The following VPS37A variants were observed in gnomAD, a reference collection of about 807,000 sequenced individuals.
The protein encoded by VPS37A is VPS37A subunit of ESCRT-I.
A neutral mutation model predicts 49.8 loss-of-function variants in VPS37A; 30 were observed. The ratio of observed to expected loss-of-function variants is 0.60; its 90% CI spans 0.45 to 0.82. The LOEUF (loss-of-function observed/expected upper bound fraction) is 0.82, where lower values mean the gene tolerates loss of function less well. VPS37A is among the 40% of genes least tolerant of loss of function. VPS37A has a pLI of 0.00. For missense variants in VPS37A, 593 were observed against 464.4 expected, an observed-to-expected ratio of 1.28 and a Z score of -2.55; for synonymous variants, 195 against 160.6, an observed-to-expected ratio of 1.21 and a Z score of -1.62.
chr8:17,275,460 A>C (rs1049757525), intron 5 of VPS37A, among the ~76,000 whole-genome samples: 3 of 152,176 alleles, frequency 2.0e-5, no homozygotes, highest in African/African-American at 7.2e-5. Context: ...TTGAGGTAGA[A>C]ACTGGATGGC....
At chr8:17,304,672 T>C (rs548401591), downstream of VPS37A, among the ~76,000 whole-genome samples, 4 of 151,928 alleles carry the variant, frequency 2.6e-5, no homozygotes, top group Admixed American at 1.3e-4. Flanking sequence ...GGTGACTTCA[T>C]GGTATAGAGG....
intron 11 of VPS37A, among the ~76,000 whole-genome samples, chr8:17,288,550 T>G (rs934522791): frequency 7.9e-5 from 12 of 152,214 alleles, no homozygotes; most frequent in Non-Finnish European, 1.5e-5. Context: ...GGACATGAAC[T>G]CATTCTTTTT....
chr8:17,290,083 C>T (rs1374166793), intron 11 of VPS37A, among the ~76,000 whole-genome samples: 1 of 152,186 alleles, frequency 6.6e-6, no homozygotes, highest in Non-Finnish European at 1.5e-5. Flanking sequence ...TGCTTATCAG[C>T]TTAAGGAGCT....
the VPS37A span, among the ~76,000 whole-genome samples, chr8:17,310,239 A>G: frequency 6.6e-6 from 1 of 151,994 alleles, no homozygotes; most frequent in Admixed American, 6.6e-5. Flanking sequence ...GGGCTCCAGC[A>G]AGCCTCCCTC....
At chr8:17,286,282 TGG>T in intron 10 of VPS37A, 63 bp from the exon 11 acceptor site, 1 of 1,301,802 alleles carries the variant, frequency 7.7e-7, no homozygotes. Flanking sequence ...GTCATACTGT[TGG>T]AAGTAAAGTA....
chr8:17,323,183 G>T, the VPS37A span, among the ~76,000 whole-genome samples: 1 of 151,796 alleles, frequency 6.6e-6, no homozygotes, highest in African/African-American at 2.4e-5. Context: ...CTGACCTCAG[G>T]TTATCCACCT....
downstream of VPS37A, chr8:17,300,119 C>T (rs572712217): frequency 1.2e-6 from 2 of 1,614,112 alleles, no homozygotes; most frequent in African/African-American, 1.3e-5. Flanking sequence ...GGAGTGTTGG[C>T]TATGCTGTTG....
the VPS37A span, among the ~76,000 whole-genome samples, chr8:17,320,484 G>A: frequency 2.0e-5 from 3 of 152,116 alleles, no homozygotes; most frequent in Non-Finnish European, 2.9e-5. Context: ...GGCCCCAGGA[G>A]CATTCTGAGA....
chr8:17,330,429 G>A, the VPS37A span, among the ~76,000 whole-genome samples: 2 of 152,234 alleles, frequency 1.3e-5, no homozygotes, highest in Non-Finnish European at 2.9e-5. Flanking sequence ...GGAAGTGGTA[G>A]ACTACAGCGA....
chr8:17,307,587 G>T, the VPS37A span, among the ~76,000 whole-genome samples: 1 of 152,144 alleles, frequency 6.6e-6, no homozygotes, highest in Non-Finnish European at 1.5e-5. Context: ...ACATGCACAT[G>T]AATGTTTATA....
the VPS37A span, among the ~76,000 whole-genome samples, chr8:17,332,988 A>C: frequency 6.6e-6 from 1 of 152,178 alleles, no homozygotes; most frequent in African/African-American, 2.4e-5. Flanking sequence ...CCGAGAGCAT[A>C]TATGAAGTTT....
intron 10 of VPS37A, among the ~76,000 whole-genome samples, chr8:17,285,160 C>CTG (rs555355700): frequency 2.6e-5 from 4 of 152,080 alleles, no homozygotes; most frequent in Non-Finnish European, 5.9e-5. Flanking sequence ...TGAGAGGAAC[C>CTG]TGAAAAGCCT....
chr8:17,329,894 C>G, the VPS37A span, among the ~76,000 whole-genome samples: 1 of 152,100 alleles, frequency 6.6e-6, no homozygotes, highest in East Asian at 1.9e-4. Context: ...GACTGACTGC[C>G]AATTATGTAC....
Position 17,280,149 on chromosome 8 carries a change from C to G in VPS37A, c.835C>G (p.Leu279Val), listed in dbSNP as rs752238976. ...TGACTTAGTAAAAAGTATTGAGGAA[C>G]TAGCAAGTATGTTTTCCCTCTCCTG... ...KDDLVKSIEE[L>V]ARKNLLLEPS... The change falls in exon 7 of 12, where the codon CTA (leucine) becomes GTA (valine). Residue 279 changes from leucine to valine, a missense_variant. By Grantham distance (32) the Leu-to-Val change is conservative. Transcript: ENST00000324849. 26 of 1,612,142 alleles carry G rather than the reference C, an allele frequency of 1.6e-5. No individual in the cohort carries two copies. Among genetic ancestry groups the G allele is most frequent in the Non-Finnish European group, 1.8e-5 (21 of 1,179,106 alleles).
At chr8:17,318,909 C>G in the VPS37A span, among the ~76,000 whole-genome samples, 2 of 152,192 alleles carry the variant, frequency 1.3e-5, no homozygotes, top group Admixed American at 1.3e-4. Flanking sequence ...CCTACACCCT[C>G]ACATCTCCAA....
the VPS37A span, among the ~76,000 whole-genome samples, chr8:17,308,342 G>A: frequency 6.6e-6 from 1 of 152,134 alleles, no homozygotes; most frequent in Non-Finnish European, 1.5e-5. Context: ...ATAATGCCAT[G>A]TTAAGAAGTT....
At chr8:17,247,941 A>T (rs1223872975) in intron 1 of VPS37A, 1 of 599,498 alleles carries the variant, frequency 1.7e-6, no homozygotes. Context: ...CGACCAGTGC[A>T]TGTACATTTC....
chr8:17,268,144 T>A (rs1438662773), intron 2 of VPS37A, 114 bp from the exon 3 acceptor site: 7 of 676,946 alleles, frequency 1.0e-5, no homozygotes, highest in Non-Finnish European at 1.5e-5. Flanking sequence ...AAATGACCCA[T>A]ATCAAAGTGT....
chr8:17,303,306 T>C (rs1201491711), downstream of VPS37A, among the ~76,000 whole-genome samples: 1 of 152,162 alleles, frequency 6.6e-6, no homozygotes, highest in Non-Finnish European at 1.5e-5. Flanking sequence ...TTTAGTATGA[T>C]AGAATATTCT....
Sources: gnomAD v4.1 joint callset for allele counts (sites outside exome capture counted in the v4.1 genomes callset) on GRCh38, gnomAD v4.1.1 for gene constraint, MANE v1.5 for transcripts, NCBI Gene and HGNC (gene_info 2026-07-23, HGNC 2026-07-21) for gene names.